The following PTPRD variants were observed in gnomAD, a reference collection of about 807,000 sequenced individuals.
PTPRD encodes the protein protein tyrosine phosphatase receptor type D.
In PTPRD, 34 loss-of-function variants were observed where a neutral mutation model predicts 214.5. That is an observed-to-expected ratio of 0.16 (90% confidence interval 0.12 to 0.21). The LOEUF is 0.21. PTPRD is among the 10% of genes least tolerant of loss of function. PTPRD has a pLI of 1.00. For missense variants in PTPRD, 2,545 were observed against 2,398.7 expected (o/e 1.06, Z -1.27); for synonymous variants, 1,128 against 845.7 (o/e 1.33, Z -5.79).
chr9:9,209,981 T>A (rs1053996553), intron 9 of PTPRD, among the ~76,000 whole-genome samples: 1 of 152,154 alleles, frequency 6.6e-6, no homozygotes, highest in Non-Finnish European at 1.5e-5. Flanking sequence ...AGGGCCCAGA[T>A]AGATGATTAT....
intron 9 of PTPRD, among the ~76,000 whole-genome samples, chr9:9,349,593 T>C (rs1156707919): frequency 6.6e-6 from 1 of 151,318 alleles, no homozygotes; most frequent in Non-Finnish European, 1.5e-5. Flanking sequence ...TCTCTAAGTT[T>C]TTTTTTTTTT....
intron 2 of PTPRD, among the ~76,000 whole-genome samples, chr9:10,454,118 G>C (rs1010893100): frequency 6.6e-6 from 1 of 151,168 alleles, no homozygotes; most frequent in Non-Finnish European, 1.5e-5. Flanking sequence ...GAAAAAAATA[G>C]CAAACTATAC....
chr9:10,508,792 C>T (rs977547602), intron 2 of PTPRD, among the ~76,000 whole-genome samples: 7 of 151,364 alleles, frequency 4.6e-5, no homozygotes, highest in African/African-American at 1.2e-4. Flanking sequence ...TGGGGCCTGT[C>T]GTGGGGTGGG....
At chr9:9,910,467 T>G (rs374062724) in intron 5 of PTPRD, among the ~76,000 whole-genome samples, 1 of 152,032 alleles carries the variant, frequency 6.6e-6, no homozygotes, top group African/African-American at 2.4e-5. Flanking sequence ...AGAAATGTAT[T>G]CTTGAAGGAT....
intron 5 of PTPRD, among the ~76,000 whole-genome samples, chr9:9,843,261 T>G (rs111563597): frequency 3.3e-5 from 5 of 152,176 alleles, no homozygotes; most frequent in Admixed American, 2.0e-4. Context: ...GAAATCATAA[T>G]ATCGCTTAGG....
chr9:8,783,593 G>T (rs548319221), intron 11 of PTPRD, among the ~76,000 whole-genome samples: 1 of 152,144 alleles, frequency 6.6e-6, no homozygotes, highest in Non-Finnish European at 1.5e-5. Flanking sequence ...TAGGAATTTA[G>T]TCCCACCATA....
chr9:8,739,950 G>C (rs951059483), intron 11 of PTPRD, among the ~76,000 whole-genome samples: 13 of 152,106 alleles, frequency 8.5e-5, no homozygotes, highest in African/African-American at 2.7e-4. Flanking sequence ...ATGATTGTGA[G>C]GCGTCCCCAG....
chr9:10,604,946 A>G (rs2078916472), intron 2 of PTPRD, among the ~76,000 whole-genome samples: 1 of 151,850 alleles, frequency 6.6e-6, no homozygotes, highest in Non-Finnish European at 1.5e-5. Flanking sequence ...GCTGAGTAGT[A>G]CTTTGATAAA....
chr9:10,340,226 T>C (rs1034255858), intron 3 of PTPRD, among the ~76,000 whole-genome samples: 3 of 151,914 alleles, frequency 2.0e-5, no homozygotes, highest in Non-Finnish European at 4.4e-5. Context: ...GTCAATGTTT[T>C]TCCCCATGTT....
chr9:9,741,790 C>A (rs2098405873), intron 6 of PTPRD, among the ~76,000 whole-genome samples: 1 of 152,088 alleles, frequency 6.6e-6, no homozygotes, highest in Non-Finnish European at 1.5e-5. Flanking sequence ...TGAACTCATT[C>A]TTTTTTATGG....
intron 21 of PTPRD, among the ~76,000 whole-genome samples, chr9:8,516,318 G>C (rs2097780133): frequency 6.6e-6 from 1 of 152,068 alleles, no homozygotes; most frequent in Non-Finnish European, 1.5e-5. Context: ...AAGATATATG[G>C]ATAGTTTTTA....
chr9:10,287,424 T>C (rs1034022038), intron 3 of PTPRD, among the ~76,000 whole-genome samples: 1 of 152,214 alleles, frequency 6.6e-6, no homozygotes, highest in African/African-American at 2.4e-5. Context: ...ATATTCTTCC[T>C]GCATTCAGTC....
intron 12 of PTPRD, among the ~76,000 whole-genome samples, chr9:8,645,948 T>C (rs1294795197): frequency 6.6e-6 from 1 of 152,034 alleles, no homozygotes; most frequent in African/African-American, 2.4e-5. Flanking sequence ...ATACCAATTA[T>C]TAAGTTCTAC....
chr9:8,503,714 ATTTTCTGTC>A (rs2097472282), intron 23 of PTPRD, among the ~76,000 whole-genome samples: 1 of 152,120 alleles, frequency 6.6e-6, no homozygotes, highest in African/African-American at 2.4e-5. Flanking sequence ...CCACATACAG[ATTTTCTGTC>A]AATGTTCCAA....
intron 3 of PTPRD, among the ~76,000 whole-genome samples, chr9:10,046,443 C>T (rs2097397754): frequency 6.6e-6 from 1 of 151,768 alleles, no homozygotes; most frequent in Non-Finnish European, 1.5e-5. Context: ...AAAACCAAAA[C>T]TAATCCTGTA....
chr9:8,909,954 T>C (rs963535164), intron 11 of PTPRD, among the ~76,000 whole-genome samples: 5 of 151,798 alleles, frequency 3.3e-5, no homozygotes, highest in African/African-American at 1.2e-4. Context: ...TAGAACATCT[T>C]AGAGAATCTA....
At chr9:8,809,547 A>G (rs891068843) in intron 11 of PTPRD, among the ~76,000 whole-genome samples, 2 of 152,112 alleles carry the variant, frequency 1.3e-5, no homozygotes, top group Non-Finnish European at 2.9e-5. Flanking sequence ...ACCACTGACT[A>G]TTTTCCACTT....
intron 3 of PTPRD, among the ~76,000 whole-genome samples, chr9:10,089,744 G>C (rs1477526347): frequency 6.6e-6 from 1 of 151,592 alleles, no homozygotes; most frequent in Non-Finnish European, 1.5e-5. Flanking sequence ...CTGGAATTCA[G>C]ATTGTACTCT....
intron 4 of PTPRD, among the ~76,000 whole-genome samples, chr9:9,971,137 A>G (rs148869080): frequency 6.6e-6 from 1 of 152,330 alleles, no homozygotes; most frequent in East Asian, 1.9e-4. Context: ...AAGGAGAAAT[A>G]TTAAATAAAA....
Sources: allele counts gnomAD v4.1 joint callset (sites outside exome capture counted in the v4.1 genomes callset), GRCh38; gene constraint gnomAD v4.1.1; transcripts MANE v1.5; gene names NCBI Gene and HGNC (gene_info 2026-07-23, HGNC 2026-07-21).